NRK: variants seen among roughly 807,000 people sequenced by gnomAD.
NRK encodes the protein Nik related kinase, also known as nik-related protein kinase.
NRK carries 67 observed loss-of-function variants against 125.2 expected under a neutral mutation model. The observed-to-expected ratio is 0.54, with a 90% CI of 0.44 to 0.66. The LOEUF (loss-of-function observed/expected upper bound fraction) is 0.66, where lower values mean the gene tolerates loss of function less well. NRK is among the 30% of genes least tolerant of loss of function. The probability of loss-of-function intolerance (pLI) is 0.00; values close to 1 mark genes in which losing one functional copy is unlikely to be tolerated. For synonymous variants in NRK, 458 were observed against 429.0 expected, an observed-to-expected ratio of 1.07 and a Z score of -0.84; for missense variants, 1,224 against 1,192.9, an observed-to-expected ratio of 1.03 and a Z score of -0.38.
intron 2 of NRK, among the ~76,000 whole-genome samples, chrX:105,856,247 G>T (rs1314380254): frequency 9.0e-6 from 1 of 111,306 alleles, no homozygotes; most frequent in Non-Finnish European, 1.9e-5. Context: ...TCTAAATTTT[G>T]GGGCTGTGTT....
intron 4 of NRK, among the ~76,000 whole-genome samples, chrX:105,887,805 C>A (rs2039966735): frequency 9.0e-6 from 1 of 111,655 alleles, no homozygotes. Flanking sequence ...GTGTGTGTGG[C>A]AGAATTGGGG....
intron 2 of NRK, among the ~76,000 whole-genome samples, chrX:105,870,544 T>C (rs1189854407): frequency 1.8e-5 from 2 of 111,937 alleles, no homozygotes; most frequent in Non-Finnish European, 3.8e-5. Flanking sequence ...TTCCTGCAAA[T>C]GTTGTATGTA....
chrX:105,874,809 T>A (rs1243025694), intron 2 of NRK, among the ~76,000 whole-genome samples: 1 of 111,865 alleles, frequency 8.9e-6, no homozygotes, highest in Non-Finnish European at 1.9e-5. Context: ...GTGGACTAAA[T>A]GATGCTGCTT....
At chrX:105,926,632 C>T (rs373235860) in intron 19 of NRK, among the ~76,000 whole-genome samples, 1 of 111,298 alleles carries the variant, frequency 9.0e-6, no homozygotes, top group Non-Finnish European at 1.9e-5. Context: ...TCAGATCTTA[C>T]ATTTAAGTCT....
chrX:105,893,655 C>G (rs1222951832), intron 5 of NRK, among the ~76,000 whole-genome samples, 177 bp from the exon 6 acceptor site: 2 of 112,036 alleles, frequency 1.8e-5, no homozygotes, highest in Non-Finnish European at 3.8e-5. Context: ...TGGTTTTAAT[C>G]CAACTCTCTC....
chrX:105,934,299 A>G lies in NRK; in HGVS notation c.3354A>G (p.Ser1118=). Residue 1118 remains serine (S), a synonymous_variant, in exon 20 of 29, where the codon TCA becomes TCG. Coordinates refer to ENST00000243300, the MANE Select transcript of NRK (RefSeq NM_198465.4). Reference sequence around the variant, plus strand: ...ATGAGGCCTCAAATGCCATTGACTCAGGTGCTGCACCGTCAGCACCTGATC... The same window carrying G: ...ATGAGGCCTCAAATGCCATTGACTCGGGTGCTGCACCGTCAGCACCTGATC... ...GGNEASNAID[S]GAAPSAPDHE... is the part of the protein sequence containing the mutation. 8.4e-7 allele frequency: 1 copy of G among 1,183,791 alleles called. No individual in the cohort carries two copies. Among genetic ancestry groups the G allele is most frequent in the Non-Finnish European group, 1.1e-6 (1 of 880,562 alleles).
rs1208060203 is a variant in NRK, at chrX:105,945,918, A to G, written c.4106A>G (p.Tyr1369Cys). 4.1e-6 allele frequency: 5 copies of G among 1,206,830 alleles called. No homozygotes were observed. The highest frequency in any genetic ancestry group is 5.6e-6 in the Non-Finnish European group (5 of 891,279). The stretch of plus-strand genomic sequence containing the variant: ...GACTCTGAAGGAGACTACATGTCCT[A>G]TCAAGCCTATATACGAATACTGGCA... ...SADSEGDYMS[Y>C]QAYIRILAKI... Residue 1369 changes from tyrosine (Y) to cysteine (C), a missense_variant, in exon 25 of 29, where the codon TAT (tyrosine) becomes TGT (cysteine). Physicochemically the swap from Tyr to Cys is radical, Grantham distance 194 (BLOSUM62 -2). Transcript: ENST00000243300.
intron 4 of NRK, among the ~76,000 whole-genome samples, chrX:105,886,926 T>C (rs1569301619): frequency 9.0e-6 from 1 of 111,124 alleles, no homozygotes; most frequent in African/African-American, 3.3e-5. Context: ...TTACTTTATA[T>C]AAAAGTTAAC....
chrX:105,924,553 A>T (rs1296010264), intron 18 of NRK, 142 bp from the exon 19 acceptor site: 2 of 487,887 alleles, frequency 4.1e-6, no homozygotes, highest in African/African-American at 4.9e-5. Context: ...TCTTTATCAT[A>T]CCAGTAGTGT....
intron 19 of NRK, among the ~76,000 whole-genome samples, chrX:105,929,811 G>T (rs2040572209): frequency 9.0e-6 from 1 of 111,625 alleles, no homozygotes; most frequent in Non-Finnish European, 1.9e-5. Context: ...TTATCTGGAA[G>T]AGGCTTTATT....
chrX:105,873,223 A>AT (rs2039770468), intron 2 of NRK, among the ~76,000 whole-genome samples: 3 of 111,589 alleles, frequency 2.7e-5, no homozygotes, highest in South Asian at 7.5e-4. Flanking sequence ...TAACTGCATG[A>AT]TTTTTTTAAA....
In NRK at chrX:105,831,065, A is replaced by T. The variant is rs1387285151; in HGVS notation, c.69A>T (p.Gly23=). Residue 23 remains glycine (G), a synonymous_variant, in exon 2 of 29, where the codon GGA becomes GGT. Coordinates refer to ENST00000243300, the MANE Select transcript of NRK (RefSeq NM_198465.4). Reference sequence around the variant, plus strand: ...TTACTTTTTTGCAGGATCCAACTGGAATATTCTCACTAGATAAAACCATTG... The same window carrying T: ...TTACTTTTTTGCAGGATCCAACTGGTATATTCTCACTAGATAAAACCATTG... ...TDLGHLPDPT[G]IFSLDKTIGL... 5.1e-5 allele frequency: 59 copies of T among 1,159,095 alleles called. No homozygotes were observed. The highest frequency in any genetic ancestry group is 6.4e-5 in the Non-Finnish European group (55 of 852,844).
chrX:105,895,844 T>G (rs765899345), intron 7 of NRK, among the ~76,000 whole-genome samples: 4 of 112,031 alleles, frequency 3.6e-5, no homozygotes, highest in Non-Finnish European at 7.5e-5. Context: ...TTGAATTGAG[T>G]ATTTACCATG....
intron 2 of NRK, among the ~76,000 whole-genome samples, chrX:105,852,949 C>G (rs1464313390): frequency 2.7e-5 from 3 of 111,866 alleles, no homozygotes; most frequent in Non-Finnish European, 5.6e-5. Context: ...TTATTACACT[C>G]TCGTGAACTT....
At position 105,926,363 on chromosome X, in the gene NRK, T is replaced by C. The variant is rs764918840; in HGVS notation, c.3312+1332T>C. Among the ~76,000 whole-genome samples, 347 of 112,026 alleles carry C rather than the reference T, an allele frequency of 3.1e-3. 4 individuals carry two copies. The highest frequency in any genetic ancestry group is 0.01 in the African/African-American group (318 of 30,980). Reference sequence around the variant, plus strand: ...TGTATACATGTTGGATTATTTGCTTTTTTCTGTTGAGTTGTTTGAGTTTCT... The same window carrying C: ...TGTATACATGTTGGATTATTTGCTTCTTTCTGTTGAGTTGTTTGAGTTTCT... On this transcript the variant is annotated intron_variant, in intron 19 of 28. Coordinates refer to ENST00000243300, the MANE Select transcript of NRK (RefSeq NM_198465.4).
At chrX:105,824,825 G>A (rs961497685) in intron 1 of NRK, among the ~76,000 whole-genome samples, 8 of 111,140 alleles carry the variant, frequency 7.2e-5, no homozygotes, top group East Asian at 2.9e-4. Flanking sequence ...AATGTAAGGG[G>A]AGTAGCGAGA....
chrX:105,878,359 T>C (rs1467870088), intron 2 of NRK, among the ~76,000 whole-genome samples: 4 of 111,378 alleles, frequency 3.6e-5, no homozygotes, highest in Non-Finnish European at 7.6e-5. Flanking sequence ...TGTTTTATTA[T>C]AACTGTCCAG....
At chrX:105,902,247 GA>G (rs2040168080) in intron 9 of NRK, among the ~76,000 whole-genome samples, 1 of 111,227 alleles carries the variant, frequency 9.0e-6, no homozygotes, top group African/African-American at 3.3e-5. Flanking sequence ...TGAAGGCCAG[GA>G]GATTTGGAAC....
At chrX:105,938,911 AT>A (rs1432382983) in intron 22 of NRK, among the ~76,000 whole-genome samples, 4 of 111,361 alleles carry the variant, frequency 3.6e-5, no homozygotes, top group Non-Finnish European at 7.5e-5. Flanking sequence ...CCTTCTTCAC[AT>A]GGCAGCAGCA....
Sources: allele counts gnomAD v4.1 joint callset (sites outside exome capture counted in the v4.1 genomes callset), GRCh38; gene constraint gnomAD v4.1.1; transcripts MANE v1.5; gene names NCBI Gene and HGNC (gene_info 2026-07-23, HGNC 2026-07-21).